The following NAPRT variants were observed in gnomAD, a reference collection of about 807,000 sequenced individuals.
NAPRT encodes the protein FHA-HIT-interacting protein.
A neutral mutation model predicts 60.7 loss-of-function variants in NAPRT; 66 were observed. That is an observed-to-expected ratio of 1.09 (90% CI 0.89 to 1.33). The LOEUF is 1.33. Ranked by LOEUF, NAPRT falls within the 40% of genes most tolerant of loss-of-function variation. The probability of loss-of-function intolerance (pLI) is 0.00; values close to 1 mark genes in which losing one functional copy is unlikely to be tolerated. For missense variants in NAPRT, 818 were observed against 731.5 expected (o/e 1.12, Z -1.36); for synonymous variants, 405 against 335.7 (o/e 1.21, Z -2.26).
intron 5 of NAPRT, 87 bp downstream of exon 5, chr8:143,576,975 C>T (rs1455056174): frequency 2.0e-6 from 3 of 1,523,676 alleles, no homozygotes; most frequent in East Asian, 4.6e-5. Flanking sequence ...CTGGGGTGAC[C>T]TGCCTGGGTG....
At position 143,577,138 on chromosome 8, in the gene NAPRT, C is replaced by T. The variant is rs753154821; in HGVS notation, c.608G>A (p.Arg203Gln). 39 of 1,612,768 alleles carry T rather than the reference C, an allele frequency of 2.4e-5. No individual in the cohort carries two copies. The highest frequency in any genetic ancestry group is 1.6e-4 in the Middle Eastern group (1 of 6,084). Reference protein sequence around the residue: ...SSSNVLAGQLRGVPVAGTLAH... With the variant: ...SSSNVLAGQLQGVPVAGTLAH... ...CAGGGTCCCGGCCACCGGCACACCTCGCAGCTGGCCCGCTAGCACGTTGCT... is the reference window on the plus strand; with the variant it reads ...CAGGGTCCCGGCCACCGGCACACCTTGCAGCTGGCCCGCTAGCACGTTGCT... Residue 203 changes from arginine (R) to glutamine (Q), a missense_variant, in exon 5 of 13, where the codon CGA becomes CAA. Coordinates refer to ENST00000449291, the MANE Select transcript of NAPRT (RefSeq NM_145201.6).
In NAPRT at chr8:143,577,653, C is replaced by T. The variant is rs1563934807; in HGVS notation, c.437+4G>A. On this transcript the variant is annotated splice_donor_region_variant and intron_variant, in intron 3 of 12. Transcript: ENST00000449291. ...ACGCTCCCTGCCAGTGGCCCGCAGC[C>T]CACCTGGCGTAGCTGACCAGGCAGA... The T allele has an allele frequency of 1.3e-6, 2 of 1,537,210 alleles. No homozygotes were observed. Among genetic ancestry groups the T allele is most frequent in the South Asian group, 1.2e-5 (1 of 84,006 alleles).
chr8:143,577,427 C>T, intron 3 of NAPRT, 28 bp from the exon 4 acceptor site: 1 of 1,594,588 alleles, frequency 6.3e-7, no homozygotes, highest in Non-Finnish European at 8.5e-7. Context: ...TCAGGGGGTC[C>T]CAGGGTGAGG....
Position 143,575,255 on chromosome 8 carries a change from T to C in NAPRT, c.1382A>G (p.Glu461Gly). The C allele has an allele frequency of 1.2e-6, 2 of 1,612,584 alleles. No homozygotes were observed. Among genetic ancestry groups the C allele is most frequent in the South Asian group, 2.2e-5 (2 of 91,072 alleles). Residue 461 changes from glutamate (E) to glycine (G), a missense_variant, in exon 11 of 13, where the codon GAG (glutamate) becomes GGG (glycine). By Grantham distance (98) the Glu-to-Gly change is moderately conservative. Transcript: ENST00000449291. ...ELRVWPPGAQ[E>G]PCTVRPAQVE... is the part of the protein sequence containing the mutation. ...CTGGGCTGGCCTCACGGTGCAGGGC[T>C]CCTGGGCCCCTGGAGGCCACACCCT... is the stretch of plus-strand genomic sequence containing the variant.
chr8:143,577,432 G>A, intron 3 of NAPRT, 33 bp from the exon 4 acceptor site: 2 of 1,590,264 alleles, frequency 1.3e-6, no homozygotes, highest in Non-Finnish European at 1.7e-6. Context: ...GGGTCCCAGG[G>A]TGAGGATCAC....
At chr8:143,573,266 T>A (rs949357878), downstream of NAPRT, among the ~76,000 whole-genome samples, 2 of 152,156 alleles carry the variant, frequency 1.3e-5, no homozygotes, top group African/African-American at 2.4e-5. Context: ...CTGGGTGAGC[T>A]TGGGGCAGCC....
At chr8:143,576,884 G>C in intron 5 of NAPRT, 42 bp from the exon 6 acceptor site, 1 of 1,559,830 alleles carries the variant, frequency 6.4e-7, no homozygotes, top group Non-Finnish European at 8.7e-7. Context: ...CAGGAATGCA[G>C]GATGAGGCCT....
At chr8:143,573,900 A>G (rs1224712139), downstream of NAPRT, 2 of 152,202 alleles carry the variant, frequency 1.3e-5, no homozygotes, top group African/African-American at 4.8e-5. Context: ...AAGCCCGGGG[A>G]GCCAGGTGAG....
At chr8:143,576,408 A>G (rs1156874385) in intron 7 of NAPRT, 24 bp downstream of exon 7, 1 of 1,586,030 alleles carries the variant, frequency 6.3e-7, no homozygotes, top group Non-Finnish European at 8.6e-7. Flanking sequence ...CCCACCAGGC[A>G]CACCTCCTCC....
At chr8:143,577,478 A>C in intron 3 of NAPRT, 79 bp from the exon 4 acceptor site, 1 of 1,508,532 alleles carries the variant, frequency 6.6e-7, no homozygotes. Flanking sequence ...TGGGGCCTGG[A>C]ACTTCCAACC....
rs1824506398 is a variant in NAPRT, at chr8:143,576,921, G to T, written c.685-79C>A. 24 of 1,508,178 alleles carry T rather than the reference G, an allele frequency of 1.6e-5. No homozygotes were observed. In the Admixed American group the frequency reaches 4.5e-4, roughly 28 times the overall value. The allele number at this position is 1,508,178 out of a possible 1,614,324, so 93.4% of individuals were successfully genotyped here. A position where few individuals can be genotyped will look rare whatever the true frequency, so the allele number is the denominator to read the frequency against. ...GGAGCAGCCAGGGACACCCTAGTTTGAGAGCAAAGGTAATGCAGCCCGTGC... is the reference window on the plus strand; with the variant it reads ...GGAGCAGCCAGGGACACCCTAGTTTTAGAGCAAAGGTAATGCAGCCCGTGC... On this transcript the variant is annotated intron_variant, in intron 5 of 12. Coordinates refer to ENST00000449291, the MANE Select transcript of NAPRT (RefSeq NM_145201.6).
At chr8:143,574,372 C>A (rs1265154607), downstream of NAPRT, among the ~76,000 whole-genome samples, 1 of 152,204 alleles carries the variant, frequency 6.6e-6, no homozygotes, top group Non-Finnish European at 1.5e-5. Flanking sequence ...CTTCACTGAC[C>A]CTGAGCCTGG....
chr8:143,576,929 A>C, intron 5 of NAPRT, 87 bp from the exon 6 acceptor site: 1 of 1,499,288 alleles, frequency 6.7e-7, no homozygotes, highest in Non-Finnish European at 9.1e-7. Context: ...TTGAGAGCAA[A>C]GGTAATGCAG....
In NAPRT at chr8:143,578,298, G is replaced by C. The variant is rs1434173730; in HGVS notation, c.21C>G (p.Pro7=). 1.4e-6 allele frequency: 2 copies of C among 1,398,184 alleles called. No homozygotes were observed. The highest frequency in any genetic ancestry group is 1.6e-5 in the South Asian group (1 of 61,950). 86.6% of individuals were successfully genotyped at this position (1,398,184 alleles called of 1,614,324 possible). The change falls in exon 1 of 13, where the codon CCC becomes CCG. Residue 7 remains proline (P), a synonymous_variant. Coordinates refer to ENST00000449291, the MANE Select transcript of NAPRT (RefSeq NM_145201.6). The part of the protein sequence containing the change: MAAEQD[P]EARAAARPLL... ...GCGGCCGCGCCGCCGCGCGCGCCTC[G>C]GGGTCCTGCTCCGCCGCCATCCTGC...
chr8:143,578,067 G>C (rs752918869), intron 1 of NAPRT, 26 bp downstream of exon 1: 1 of 1,497,500 alleles, frequency 6.7e-7, no homozygotes, highest in East Asian at 2.4e-5. Flanking sequence ...GGGCGTGGGG[G>C]GCTCGTCGCG....
In NAPRT at chr8:143,578,149, G is replaced by C; in HGVS notation, c.170C>G (p.Ala57Gly). ...GCGCACACAGTCGCGCAAGCCGGCG[G>C]CCAAGGCGAAGGCGCCGCCGAACGG... ...RCPFGGAFAL[A>G]AGLRDCVRFL... is the part of the protein sequence containing the mutation. The change falls in exon 1 of 13, where the codon GCC becomes GGC. Residue 57 changes from alanine (A) to glycine (G), a missense_variant. By Grantham distance (60) the Ala-to-Gly change is moderately conservative (BLOSUM62 0). Transcript: ENST00000449291. 6.6e-7 allele frequency: 1 copy of C among 1,522,626 alleles called. No individual in the cohort carries two copies. Among genetic ancestry groups the C allele is most frequent in the South Asian group, 1.2e-5 (1 of 82,966 alleles). The allele number at this position is 1,522,626 out of a possible 1,614,324, so 94.3% of individuals were successfully genotyped here.
rs1359373957 is a variant in NAPRT, at chr8:143,578,135, C to G, written c.184G>C (p.Asp62His). 6.6e-7 allele frequency: 1 copy of G among 1,523,096 alleles called. No individual in the cohort carries two copies. The highest frequency in any genetic ancestry group is 2.1e-5 in the Admixed American group (1 of 46,852). The allele number at this position is 1,523,096 out of a possible 1,614,324, so 94.3% of individuals were successfully genotyped here. ...AAGGCGCGCAGGAAGCGCACACAGT[C>G]GCGCAAGCCGGCGGCCAAGGCGAAG... is the stretch of plus-strand genomic sequence containing the variant. Reference protein sequence around the residue: ...GAFALAAGLRDCVRFLRAFRL... With the variant: ...GAFALAAGLRHCVRFLRAFRL... Residue 62 changes from aspartate (D) to histidine (H), a missense_variant, in exon 1 of 13, where the codon GAC (aspartate) becomes CAC (histidine). Transcript: ENST00000449291.
chr8:143,573,565 T>C (rs982112954), downstream of NAPRT: 3 of 152,032 alleles, frequency 2.0e-5, no homozygotes, highest in Admixed American at 2.0e-4. Context: ...TCCACCAAGA[T>C]GGTAAGTTTC....
chr8:143,573,062 C>A (rs1824165291), downstream of NAPRT: 1 of 320,788 alleles, frequency 3.1e-6, no homozygotes, highest in Non-Finnish European at 5.7e-6. Context: ...GAGCTCAGGG[C>A]AGTTGTGGAC....
Sources: allele counts gnomAD v4.1 joint callset (sites outside exome capture counted in the v4.1 genomes callset), GRCh38; gene constraint gnomAD v4.1.1; transcripts MANE v1.5; gene names NCBI Gene and HGNC (gene_info 2026-07-23, HGNC 2026-07-21).